The following GALNS variants were observed in gnomAD, a reference collection of about 807,000 sequenced individuals.
GALNS encodes the protein N-acetylgalactosamine-6-sulfatase.
In GALNS, 65 loss-of-function variants were observed where a neutral mutation model predicts 65.9. The ratio of observed to expected loss-of-function variants is 0.99; its 90% CI spans 0.81 to 1.21. GALNS has a LOEUF of 1.21. Ranked by LOEUF, GALNS falls within the 50% of genes most tolerant of loss-of-function variation. The pLI is 0.00. For missense variants in GALNS, 776 were observed against 700.7 expected (o/e 1.11, Z -1.21); for synonymous variants, 346 against 288.9 (o/e 1.20, Z -2.00).
At chr16:88,836,330 G>T in intron 5 of GALNS, 63 bp from the exon 6 acceptor site, 1 of 1,313,990 alleles carries the variant, frequency 7.6e-7, no homozygotes, top group Non-Finnish European at 1.1e-6. Flanking sequence ...CGTTCTCCCT[G>T]ATTTCACCAG....
intron 8 of GALNS, among the ~76,000 whole-genome samples, chr16:88,833,861 GA>G (rs1484247498): frequency 1.3e-5 from 2 of 152,180 alleles, no homozygotes; most frequent in Non-Finnish European, 2.9e-5. Flanking sequence ...TTGTTGGTAT[GA>G]AACATGCCAT....
rs577078709 is a variant in GALNS at position 88,856,490 on chromosome 16, G to A, written c.120+268C>T. 1.4e-5 allele frequency: 10 copies of A among 699,646 alleles called. 1 individual carries two copies. The highest frequency in any genetic ancestry group is 4.0e-5 in the Admixed American group (2 of 49,974). The allele number at this position is 699,646 out of a possible 1,614,324, so 43.3% of individuals were successfully genotyped here. The stretch of plus-strand genomic sequence containing the variant: ...GCTGTCCCGGTCATGCAGCACAGTG[G>A]CAGCGCGTGTGGTGATCGGTGACCG... On this transcript the variant is annotated intron_variant, in intron 1 of 13. Transcript: ENST00000268695.
intron 5 of GALNS, among the ~76,000 whole-genome samples, chr16:88,836,825 G>A (rs561335049): frequency 1.3e-5 from 2 of 152,246 alleles, no homozygotes; most frequent in South Asian, 2.1e-4. Context: ...CTGAGGGCAC[G>A]ACACCAAGGT....
At chr16:88,829,648 C>T (rs904122790) in intron 9 of GALNS, among the ~76,000 whole-genome samples, 22 of 152,342 alleles carry the variant, frequency 1.4e-4, no homozygotes, top group African/African-American at 5.1e-4. Flanking sequence ...GCATGGTGGG[C>T]AGGAGTGCAG....
intron 1 of GALNS, chr16:88,844,866 G>C (rs1195915772): frequency 6.6e-6 from 1 of 152,272 alleles, no homozygotes; most frequent in Non-Finnish European, 1.5e-5. Context: ...GGCCATATGG[G>C]GCTGTCACAG....
At chr16:88,816,603 A>C in intron 13 of GALNS, 1 of 980,452 alleles carries the variant, frequency 1.0e-6, no homozygotes, top group Non-Finnish European at 1.2e-6. Flanking sequence ...CTGGGCAGGG[A>C]CAAGGCCATC....
chr16:88,846,391 G>C (rs1373363312), intron 1 of GALNS, among the ~76,000 whole-genome samples: 3 of 152,150 alleles, frequency 2.0e-5, no homozygotes, highest in Non-Finnish European at 4.4e-5. Flanking sequence ...GGACGGCTGG[G>C]GGCCACCAGA....
chr16:88,842,784 T>A lies in GALNS; in HGVS notation c.166A>T (p.Thr56Ser). 6.2e-7 allele frequency: 1 copy of A among 1,613,284 alleles called. No homozygotes were observed. Among genetic ancestry groups the A allele is most frequent in the Non-Finnish European group, 8.5e-7 (1 of 1,179,902 alleles). Reference sequence around the variant, plus strand: ...GCAGCCATCCGGTCCAAATTCGGGGTCTCTCTGGAGGGCTCTCCATACACC... The same window carrying A: ...GCAGCCATCCGGTCCAAATTCGGGGACTCTCTGGAGGGCTCTCCATACACC... The part of the protein sequence containing the change: ...LGVYGEPSRE[T>S]PNLDRMAAEG... The change falls in exon 2 of 14, where the codon ACC (threonine) becomes TCC (serine). Residue 56 changes from threonine (T) to serine (S), a missense_variant. Transcript: ENST00000268695.
intron 10 of GALNS, among the ~76,000 whole-genome samples, chr16:88,826,192 G>C (rs1180349895): frequency 2.0e-5 from 3 of 149,982 alleles, no homozygotes; most frequent in Admixed American, 6.6e-5. Context: ...AACAGGGGTG[G>C]GGCGGGCAGG....
intron 5 of GALNS, among the ~76,000 whole-genome samples, chr16:88,836,658 A>G (rs79379150): frequency 5.7e-4 from 86 of 149,668 alleles, no homozygotes; most frequent in African/African-American, 2.0e-3. Flanking sequence ...TGTCTCAAGA[A>G]AAAAAAAAAA....
At chr16:88,829,030 A>G (rs7203543) in intron 9 of GALNS, among the ~76,000 whole-genome samples, 20 of 48,408 alleles carry the variant, frequency 4.1e-4, no homozygotes, top group South Asian at 3.0e-3. Flanking sequence ...GCGGGTCCCG[A>G]GTCTCACGCC....
At chr16:88,847,207 T>TA (rs373070084) in intron 1 of GALNS, among the ~76,000 whole-genome samples, 11 of 151,882 alleles carry the variant, frequency 7.2e-5, no homozygotes, top group African/African-American at 2.4e-4. Flanking sequence ...CCCATCTCTA[T>TA]AAAAAATCAA....
chr16:88,841,545 C>T (rs1179970847), intron 3 of GALNS, among the ~76,000 whole-genome samples: 1 of 152,214 alleles, frequency 6.6e-6, no homozygotes, highest in Non-Finnish European at 1.5e-5. Context: ...CATCCAAACC[C>T]CTCAAGCACA....
At chr16:88,843,132 G>A (rs371033051) in intron 1 of GALNS, 64 of 1,440,312 alleles carry the variant, frequency 4.4e-5, no homozygotes, top group African/African-American at 4.2e-4. Flanking sequence ...GAATGTGTCC[G>A]TCTGCCTCCT....
At chr16:88,832,411 C>A (rs1036392443) in intron 8 of GALNS, among the ~76,000 whole-genome samples, 1 of 152,234 alleles carries the variant, frequency 6.6e-6, no homozygotes, top group African/African-American at 2.4e-5. Flanking sequence ...ACGTGCGCAG[C>A]TGCCGACTGG....
At position 88,835,322 on chromosome 16, in the gene GALNS, G is replaced by A; in HGVS notation, c.789C>T (p.Asp263=). 6.2e-7 allele frequency: 1 copy of A among 1,613,758 alleles called. No homozygotes were observed. Among genetic ancestry groups the A allele is most frequent in the Non-Finnish European group, 8.5e-7 (1 of 1,179,892 alleles). The part of the protein sequence containing the change: ...RYGDAVREID[D]SIGKILELLQ... ...GGAGCTCCAGTATCTTCCCAATGCTGTCATCAATCTCCCGGACGGCGTCTC... is the reference window on the plus strand; with the variant it reads ...GGAGCTCCAGTATCTTCCCAATGCTATCATCAATCTCCCGGACGGCGTCTC... Residue 263 remains aspartate (D), a synonymous_variant, in exon 8 of 14, where the codon GAC becomes GAT. Coordinates refer to ENST00000268695, the MANE Select transcript of GALNS (RefSeq NM_000512.5).
intron 13 of GALNS, chr16:88,815,922 C>T (rs2142974248): frequency 2.0e-6 from 2 of 985,456 alleles, no homozygotes; most frequent in Non-Finnish European, 2.4e-6. Context: ...CAGGTGGCCA[C>T]ACTCCCTCTC....
In GALNS at chr16:88,814,667, C is replaced by T. The variant is rs1909447873; in HGVS notation, c.1483-142G>A. 4.5e-6 allele frequency: 6 copies of T among 1,336,046 alleles called. No homozygotes were observed. In the Admixed American group the frequency reaches 6.0e-5, roughly 13 times the overall value. The allele number at this position is 1,336,046 out of a possible 1,614,324, so 82.8% of individuals were successfully genotyped here. ...GGAGTTCAGTGGCGCGATCTTGGCT[C>T]ACTGCAACCTCTGCCTTCCGGGTTC... is the stretch of plus-strand genomic sequence containing the variant. On this transcript the variant is annotated intron_variant, in intron 13 of 13. Transcript: ENST00000268695.
At position 88,832,179 on chromosome 16, in the gene GALNS, T is replaced by C. The variant is rs529602593; in HGVS notation, c.899-78A>G. 7 of 1,276,974 alleles carry C rather than the reference T, an allele frequency of 5.5e-6. No individual in the cohort carries two copies. In the East Asian group the frequency reaches 9.9e-5, roughly 18 times the overall value. 79.1% of individuals were successfully genotyped at this position (1,276,974 alleles called of 1,614,324 possible). On this transcript the variant is annotated intron_variant, in intron 8 of 13. Coordinates refer to ENST00000268695, the MANE Select transcript of GALNS (RefSeq NM_000512.5). ...TCCCCCTCCCTCCCCACTGAGTCAC[T>C]GAGACTGGTCATAGGGACAAAGGGC...
Sources: gnomAD v4.1 joint callset for allele counts (sites outside exome capture counted in the v4.1 genomes callset) on GRCh38, gnomAD v4.1.1 for gene constraint, MANE v1.5 for transcripts, NCBI Gene and HGNC (gene_info 2026-07-23, HGNC 2026-07-21) for gene names.